Variants in SPIDR observed in about 807,000 individuals in gnomAD.
SPIDR encodes DNA repair-scaffolding protein.
In SPIDR, 93 loss-of-function variants were observed where a neutral mutation model predicts 104.6. That is an observed-to-expected ratio of 0.89 (90% CI 0.75 to 1.06). The LOEUF (loss-of-function observed/expected upper bound fraction) is 1.06, where lower values mean the gene tolerates loss of function less well. Among genes scored for constraint, SPIDR ranks in the 50% least tolerant of loss-of-function variants. The probability of loss-of-function intolerance (pLI) is 0.00; values close to 1 mark genes in which losing one functional copy is unlikely to be tolerated. For missense variants in SPIDR, 1,154 were observed against 1,111.2 expected, an observed-to-expected ratio of 1.04 and a Z score of -0.55; for synonymous variants, 431 against 416.9, an observed-to-expected ratio of 1.03 and a Z score of -0.41.
chr8:47,461,556 C>T (rs1554713503), intron 8 of SPIDR, among the ~76,000 whole-genome samples: 3 of 152,174 alleles, frequency 2.0e-5, no homozygotes, highest in Non-Finnish European at 4.4e-5. Flanking sequence ...GTGATCTGCC[C>T]ACCTTCACCT....
chr8:47,590,394 T>A (rs556573102), intron 8 of SPIDR, among the ~76,000 whole-genome samples: 1 of 152,322 alleles, frequency 6.6e-6, no homozygotes, highest in South Asian at 2.1e-4. Flanking sequence ...TCAGTGTTTG[T>A]TTTTACATTT....
chr8:47,592,468 G>C, intron 8 of SPIDR: 1 of 1,429,810 alleles, frequency 7.0e-7, no homozygotes, highest in African/African-American at 1.4e-5. Context: ...TCCCTCAAAG[G>C]GGGAAGGAAT....
intron 8 of SPIDR, among the ~76,000 whole-genome samples, chr8:47,514,367 A>G (rs1041762700): frequency 5.3e-5 from 8 of 152,214 alleles, no homozygotes; most frequent in African/African-American, 1.2e-4. Context: ...TATCAATTCT[A>G]CAAACATGCA....
chr8:47,599,892 G>A (rs2062051298), intron 10 of SPIDR, among the ~76,000 whole-genome samples: 1 of 152,078 alleles, frequency 6.6e-6, no homozygotes, highest in Non-Finnish European at 1.5e-5. Context: ...CAAGTAGCTG[G>A]GATTACAGGC....
intron 10 of SPIDR, among the ~76,000 whole-genome samples, chr8:47,617,644 A>G (rs1256324656): frequency 2.0e-5 from 3 of 152,236 alleles, no homozygotes; most frequent in Non-Finnish European, 2.9e-5. Flanking sequence ...ATGTTGTTCC[A>G]TTAATAGACC....
chr8:47,339,075 A>G (rs2154273668), intron 5 of SPIDR, among the ~76,000 whole-genome samples: 1 of 152,370 alleles, frequency 6.6e-6, no homozygotes, highest in East Asian at 1.9e-4. Flanking sequence ...TCTTAGTACA[A>G]CTGCTCAGAG....
chr8:47,500,654 C>G (rs946489619), intron 8 of SPIDR, among the ~76,000 whole-genome samples: 1 of 152,042 alleles, frequency 6.6e-6, no homozygotes, highest in Admixed American at 6.6e-5. Flanking sequence ...TAATTGAATC[C>G]CATTTGTCAG....
chr8:47,563,648 A>G (rs1204518571), intron 8 of SPIDR, among the ~76,000 whole-genome samples: 2 of 152,154 alleles, frequency 1.3e-5, no homozygotes, highest in Non-Finnish European at 2.9e-5. Flanking sequence ...TAAGACTTAG[A>G]ATCTGCAAGG....
intron 8 of SPIDR, among the ~76,000 whole-genome samples, chr8:47,467,244 C>T (rs2075016863): frequency 6.6e-6 from 1 of 151,964 alleles, no homozygotes; most frequent in Non-Finnish European, 1.5e-5. Flanking sequence ...CCAAAAAAAG[C>T]CCAGGACCAG....
chr8:47,271,975 A>AT (rs1411788061), intron 1 of SPIDR, among the ~76,000 whole-genome samples: 13 of 149,170 alleles, frequency 8.7e-5, no homozygotes, highest in South Asian at 2.1e-4. Context: ...TAATTTTTGT[A>AT]TTTTTTTTTC....
At chr8:47,368,468 G>A (rs534182696) in intron 5 of SPIDR, among the ~76,000 whole-genome samples, 3 of 139,660 alleles carry the variant, frequency 2.1e-5, no homozygotes, top group Admixed American at 7.7e-5. Flanking sequence ...TCAGTAATTA[G>A]AATTAAAAAG....
chr8:47,410,613 C>A (rs1342055240), intron 7 of SPIDR, among the ~76,000 whole-genome samples: 3 of 151,822 alleles, frequency 2.0e-5, no homozygotes, highest in African/African-American at 7.3e-5. Context: ...CCCTGAAGGC[C>A]AGGCAAACAT....
In SPIDR at chr8:47,319,899, G is replaced by A. The variant is rs573714404; in HGVS notation, c.525+25869G>A. Among the ~76,000 whole-genome samples, 339 of 151,992 alleles carry A rather than the reference G, an allele frequency of 2.2e-3. 1 individual carries two copies. Among genetic ancestry groups the A allele is most frequent in the Non-Finnish European group, 3.5e-3 (238 of 68,020 alleles). ...AATAAAGATGTTCTTGGAAACCAAC[G>A]AGAGCAAAGACACAACATAACCAGA... On this transcript the variant is annotated intron_variant, in intron 5 of 19. Transcript: ENST00000297423.
chr8:47,561,718 G>A (rs1418117101), intron 8 of SPIDR, among the ~76,000 whole-genome samples: 2 of 151,992 alleles, frequency 1.3e-5, no homozygotes, highest in Non-Finnish European at 2.9e-5. Flanking sequence ...CCTCTTCCCT[G>A]GGTCCCTTGT....
intron 10 of SPIDR, among the ~76,000 whole-genome samples, chr8:47,655,686 T>C (rs1251402986): frequency 2.0e-5 from 3 of 152,334 alleles, no homozygotes; most frequent in East Asian, 1.9e-4. Flanking sequence ...GCCTGTTCAC[T>C]GTGATGGTAG....
chr8:47,662,781 C>T (rs781100624), intron 10 of SPIDR, among the ~76,000 whole-genome samples: 7 of 152,162 alleles, frequency 4.6e-5, no homozygotes, highest in Admixed American at 6.5e-5. Context: ...TCTTTACCCG[C>T]AAGGTATTAG....
At chr8:47,465,352 T>G (rs2074597528) in intron 8 of SPIDR, among the ~76,000 whole-genome samples, 1 of 152,096 alleles carries the variant, frequency 6.6e-6, no homozygotes, top group Non-Finnish European at 1.5e-5. Flanking sequence ...CAGGATCAGA[T>G]CCACACATAT....
chr8:47,692,750 A>G (rs1459395954), intron 11 of SPIDR, among the ~76,000 whole-genome samples: 2 of 152,078 alleles, frequency 1.3e-5, no homozygotes, highest in Admixed American at 1.3e-4. Flanking sequence ...ACCCGGCCAG[A>G]ATTTCATTCT....
intron 14 of SPIDR, among the ~76,000 whole-genome samples, chr8:47,706,841 G>T (rs909555024): frequency 1.3e-5 from 2 of 152,208 alleles, no homozygotes; most frequent in African/African-American, 4.8e-5. Context: ...GCAGTGGCCA[G>T]TCGCAGTGCC....
Sources: gnomAD v4.1 joint callset for allele counts (sites outside exome capture counted in the v4.1 genomes callset) on GRCh38, gnomAD v4.1.1 for gene constraint, MANE v1.5 for transcripts, NCBI Gene and HGNC (gene_info 2026-07-23, HGNC 2026-07-21) for gene names.